Variants in ADCY8 observed in about 807,000 individuals in gnomAD.
The protein encoded by ADCY8 is adenylate cyclase type 8.
Under a neutral mutation model 119.7 loss-of-function variants are expected in ADCY8, and 51 were observed. That is an observed-to-expected ratio of 0.43 (90% confidence interval 0.34 to 0.54). ADCY8 has a LOEUF of 0.54. ADCY8 is among the 20% of genes least tolerant of loss of function. The probability of loss-of-function intolerance (pLI) is 0.03; values close to 1 mark genes in which losing one functional copy is unlikely to be tolerated. For missense variants in ADCY8, 1,383 were observed against 1,598.8 expected (o/e 0.87, Z 2.30); for synonymous variants, 665 against 651.0 (o/e 1.02, Z -0.33).
chr8:130,863,291 GT>G (rs974204406), intron 9 of ADCY8, among the ~76,000 whole-genome samples: 5 of 149,586 alleles, frequency 3.3e-5, no homozygotes, highest in Non-Finnish European at 3.0e-5. Flanking sequence ...AGCTACTTAA[GT>G]TTTTTTTTCA....
Position 130,803,114 on chromosome 8 carries a change from G to A in ADCY8, c.2914-2542C>T, listed in dbSNP as rs188939185. On this transcript the variant is annotated intron_variant, in intron 14 of 17. Transcript: ENST00000286355. ...ATCCTTGTCTCAAGGTTTGCTTCTGGAAGAACCCAAACAAAGACACAAACC... is the reference window on the plus strand; with the variant it reads ...ATCCTTGTCTCAAGGTTTGCTTCTGAAAGAACCCAAACAAAGACACAAACC... Among the ~76,000 whole-genome samples the A allele has an allele frequency of 2.4e-4, 37 of 152,218 alleles. No individual in the cohort carries two copies. The South Asian group carries it at 2.9e-3, about 12-fold the overall frequency.
intron 9 of ADCY8, among the ~76,000 whole-genome samples, chr8:130,864,265 C>T (rs575301028): frequency 6.6e-6 from 1 of 152,116 alleles, no homozygotes; most frequent in African/African-American, 2.4e-5. Context: ...CTTTGTCTTG[C>T]ATTTTCTGCA....
chr8:130,816,427 C>CATT (rs368291259), intron 13 of ADCY8, among the ~76,000 whole-genome samples: 2 of 121,174 alleles, frequency 1.7e-5, no homozygotes, highest in Non-Finnish European at 3.2e-5. Context: ...ATTTTTTTTT[C>CATT]TTTTTTTTTT....
chr8:130,911,482 C>A (rs1039492693), intron 5 of ADCY8, among the ~76,000 whole-genome samples: 1 of 151,154 alleles, frequency 6.6e-6, no homozygotes, highest in Non-Finnish European at 1.5e-5. Flanking sequence ...AAAACCTGAC[C>A]TTTACATTAC....
At position 130,988,481 on chromosome 8, in the gene ADCY8, T is replaced by C. The variant is rs573114084; in HGVS notation, c.1110+1912A>G. Among the ~76,000 whole-genome samples, 20 of 152,340 alleles carry C rather than the reference T, an allele frequency of 1.3e-4. No homozygotes were observed. In the South Asian group the frequency reaches 1.7e-3, roughly 13 times the overall value. The stretch of plus-strand genomic sequence containing the variant: ...AAACTGACTTATATGTTTGTATTGC[T>C]TTCTACATAGTATCTCATTTGAGGC... On this transcript the variant is annotated intron_variant, in intron 2 of 17. Transcript: ENST00000286355.
intron 11 of ADCY8, among the ~76,000 whole-genome samples, chr8:130,844,914 C>T (rs963226192): frequency 6.6e-6 from 1 of 152,164 alleles, no homozygotes; most frequent in Non-Finnish European, 1.5e-5. Flanking sequence ...ATATTACGCA[C>T]AGTGGTTCGG....
chr8:130,912,352 G>C, intron 5 of ADCY8, among the ~76,000 whole-genome samples: 1 of 152,142 alleles, frequency 6.6e-6, no homozygotes, highest in East Asian at 1.9e-4. Context: ...AGGTGGATGG[G>C]TGGATGCCTG....
Position 130,785,387 on chromosome 8 carries a change from T to C in ADCY8, c.3149A>G (p.Lys1050Arg). 6.2e-7 allele frequency: 1 copy of C among 1,606,260 alleles called. No individual in the cohort carries two copies. The highest frequency in any genetic ancestry group is 1.3e-5 in the African/African-American group (1 of 74,662). ...YMAVSGLSPEKQQCEDKWGHL... is the reference protein window; with the variant it reads ...YMAVSGLSPERQQCEDKWGHL... ...TGAGTCCAAAGAGTCCTTTACCTGT[T>C]TTTCAGGTGACAGGCCTGACACGGC... The change falls in exon 16 of 18, where the codon AAA becomes AGA. Residue 1050 changes from lysine to arginine, a missense_variant. Physicochemically the swap from Lys to Arg is conservative, Grantham distance 26. Transcript: ENST00000286355.
intron 2 of ADCY8, among the ~76,000 whole-genome samples, chr8:130,955,552 C>T (rs66990776): frequency 1.3e-5 from 2 of 152,152 alleles, no homozygotes; most frequent in Non-Finnish European, 2.9e-5. Flanking sequence ...TCAATGATTA[C>T]TTAATTGAAT....
chr8:130,807,258 C>A (rs1276923271), intron 14 of ADCY8, among the ~76,000 whole-genome samples: 1 of 152,208 alleles, frequency 6.6e-6, no homozygotes, highest in Non-Finnish European at 1.5e-5. Context: ...GTTAAGCCAC[C>A]TCTCAGCATG....
intron 14 of ADCY8, among the ~76,000 whole-genome samples, chr8:130,807,983 CAAAAAAAAAAAAAAAAAAA>C (rs752321769): frequency 1.3e-3 from 61 of 47,238 alleles, no homozygotes; most frequent in South Asian, 6.1e-3. Context: ...GACTCCGTCT[CAAAAAAAAAAAAAAAAAAA>C]AAAAAAAAAA....
chr8:130,934,118 T>G (rs1195898872), intron 5 of ADCY8, among the ~76,000 whole-genome samples: 2 of 152,234 alleles, frequency 1.3e-5, no homozygotes, highest in East Asian at 1.9e-4. Context: ...GTTTACTGAT[T>G]GACAGAATAA....
In ADCY8 at chr8:130,882,482, G is replaced by A. The variant is rs1458493036; in HGVS notation, c.2109+2082C>T. ...GACAAAAGGAAAATGAAGACAGCAC[G>A]GGATTGTCTTCTTCGTACGAAACCC... On this transcript the variant is annotated intron_variant, in intron 8 of 17. Coordinates refer to ENST00000286355, the MANE Select transcript of ADCY8 (RefSeq NM_001115.3). Among the ~76,000 whole-genome samples, 10 of 152,196 alleles carry A rather than the reference G, an allele frequency of 6.6e-5. 1 individual carries two copies. The highest frequency in any genetic ancestry group is 6.8e-3 in the Middle Eastern group (2 of 294).
intron 5 of ADCY8, among the ~76,000 whole-genome samples, chr8:130,912,582 T>C (rs147972457): frequency 1.4e-4 from 22 of 152,352 alleles, no homozygotes; most frequent in African/African-American, 4.8e-4. Flanking sequence ...CTCAATTGAA[T>C]CTTTGCAGTC....
At chr8:130,997,966 T>C (rs1185115389) in intron 1 of ADCY8, among the ~76,000 whole-genome samples, 2 of 152,214 alleles carry the variant, frequency 1.3e-5, no homozygotes, top group Non-Finnish European at 2.9e-5. Flanking sequence ...CCTGCCCTTA[T>C]GCATCTGTAA....
intron 1 of ADCY8, among the ~76,000 whole-genome samples, chr8:131,022,200 T>C (rs1823691939): frequency 6.6e-6 from 1 of 152,210 alleles, no homozygotes. Flanking sequence ...GGTATACACA[T>C]GCCATGGTGG....
chr8:130,853,698 A>G (rs1188370095), intron 9 of ADCY8, among the ~76,000 whole-genome samples: 1 of 151,814 alleles, frequency 6.6e-6, no homozygotes, highest in Non-Finnish European at 1.5e-5. Flanking sequence ...AACTCACCTG[A>G]GTCCCTGACC....
chr8:130,814,869 C>G (rs1816287128), intron 13 of ADCY8, among the ~76,000 whole-genome samples: 1 of 152,136 alleles, frequency 6.6e-6, no homozygotes, highest in Non-Finnish European at 1.5e-5. Context: ...GGGAACACAG[C>G]CAAACCATAT....
chr8:130,839,271 T>C (rs1388287770), intron 11 of ADCY8, among the ~76,000 whole-genome samples: 1 of 140,378 alleles, frequency 7.1e-6, no homozygotes, highest in African/African-American at 2.4e-5. Context: ...CTCGTTTTGT[T>C]GCCTCAATCA....
Sources: allele counts gnomAD v4.1 joint callset (sites outside exome capture counted in the v4.1 genomes callset), GRCh38; gene constraint gnomAD v4.1.1; transcripts MANE v1.5; gene names NCBI Gene and HGNC (gene_info 2026-07-23, HGNC 2026-07-21).